The following ADGRA2 variants were observed in gnomAD, a reference collection of about 807,000 sequenced individuals.
ADGRA2 encodes adhesion G protein-coupled receptor A2, also known as G-protein coupled receptor 124.
Under a neutral mutation model 98.7 loss-of-function variants are expected in ADGRA2, and 61 were observed. The observed-to-expected ratio is 0.62, with a 90% confidence interval of 0.50 to 0.76. The LOEUF (loss-of-function observed/expected upper bound fraction) is 0.76, where lower values mean the gene tolerates loss of function less well. ADGRA2 is among the 30% of genes least tolerant of loss of function. ADGRA2 has a pLI of 0.00. For synonymous variants in ADGRA2, 858 were observed against 831.5 expected, an observed-to-expected ratio of 1.03 and a Z score of -0.55; for missense variants, 1,712 against 1,860.0, an observed-to-expected ratio of 0.92 and a Z score of 1.46.
chr8:37,804,829 C>A (rs1039038904), intron 1 of ADGRA2, among the ~76,000 whole-genome samples: 1 of 152,230 alleles, frequency 6.6e-6, no homozygotes, highest in South Asian at 2.1e-4. Context: ...GGAAAAGGGG[C>A]TCCCCCGACC....
Position 37,814,969 on chromosome 8 carries a change from T to C in ADGRA2, c.338+2T>C. On this transcript the variant is annotated splice_donor_variant, in intron 2 of 18. Transcript: ENST00000412232. LOFTEE classifies it high-confidence loss of function. The surrounding 1 kb of genome is among the most constrained non-coding windows in gnomAD (Gnocchi z 4.3). ...GGGACTGTCACTGCTGGAGAAGCTGTAAGTGCTGGGGAAGGTGAGGTGGAG... is the reference window on the plus strand; with the variant it reads ...GGGACTGTCACTGCTGGAGAAGCTGCAAGTGCTGGGGAAGGTGAGGTGGAG... The C allele has an allele frequency of 1.9e-6, 3 of 1,606,370 alleles. No homozygotes were observed. The highest frequency in any genetic ancestry group is 2.6e-6 in the Non-Finnish European group (3 of 1,173,058).
In ADGRA2 at chr8:37,802,323, GCCTC is replaced by G. The variant is rs1804532725; in HGVS notation, c.266+4791_266+4794del. 6.6e-6 allele frequency among the ~76,000 whole-genome samples: 1 copy of G among 152,122 alleles called. No homozygotes were observed. The highest frequency in any genetic ancestry group is 1.5e-5 in the Non-Finnish European group (1 of 68,006). ...GGTGGAGGGGCGGGCCCAGGCCGGCGCCTCCACCCCCTTCTCTTCCACCAGCTTT... is the reference window on the plus strand; with the variant it reads ...GGTGGAGGGGCGGGCCCAGGCCGGCGCACCCCCTTCTCTTCCACCAGCTTT... On this transcript the variant is annotated intron_variant, in intron 1 of 18. Transcript: ENST00000412232. This position sits in a 1 kb window ranked among gnomAD's most constrained non-coding sequence, Gnocchi z 4.7.
chr8:37,810,592 G>A (rs922843075), intron 1 of ADGRA2, among the ~76,000 whole-genome samples: 7 of 152,080 alleles, frequency 4.6e-5, no homozygotes, highest in East Asian at 1.9e-4. Flanking sequence ...CAAACTCCTG[G>A]GCTCAAGTGA....
intron 1 of ADGRA2, among the ~76,000 whole-genome samples, chr8:37,800,965 A>G (rs1804484127): frequency 6.6e-6 from 1 of 151,924 alleles, no homozygotes; most frequent in Non-Finnish European, 1.5e-5. Flanking sequence ...TTTTTCCTCC[A>G]AGATGGGGCC....
intron 1 of ADGRA2, among the ~76,000 whole-genome samples, chr8:37,799,474 G>T (rs934873298): frequency 2.0e-5 from 3 of 152,044 alleles, no homozygotes; most frequent in Non-Finnish European, 4.4e-5. Flanking sequence ...TGTTCTCTGC[G>T]TGTCTCTGTG....
At chr8:37,828,757 A>G (rs1805362707) in intron 2 of ADGRA2, 131 bp from the exon 3 acceptor site, 1 of 653,466 alleles carries the variant, frequency 1.5e-6, no homozygotes, top group African/African-American at 1.8e-5. Context: ...TGAGGAGAGC[A>G]GAGGTTTAGC....
rs1017500022 is a variant in ADGRA2, at chr8:37,834,654, G to A, written c.1609-520G>A. Among the ~76,000 whole-genome samples, 2 of 152,174 alleles carry A rather than the reference G, an allele frequency of 1.3e-5. No individual in the cohort carries two copies. ...GAAGCCTGTAATCCCAGCACGTTGG[G>A]AGGCCGATACAGGAGGATCTCCCAA... is the stretch of plus-strand genomic sequence containing the variant. On this transcript the variant is annotated intron_variant, in intron 11 of 18. Transcript: ENST00000412232. This position sits in a 1 kb window ranked among gnomAD's most constrained non-coding sequence, Gnocchi z 4.2.
In ADGRA2 at chr8:37,829,513, A is replaced by G; in HGVS notation, c.508A>G (p.Ser170Gly). The change falls in exon 5 of 19, where the codon AGT becomes GGT. Residue 170 changes from serine (S) to glycine (G), a missense_variant. Ser to Gly is a moderately conservative substitution (Grantham distance 56, BLOSUM62 0). Transcript: ENST00000412232. The stretch of plus-strand genomic sequence containing the variant: ...AAACATATCTGGAAACATCTTCTCC[A>G]GTCTGCAACCTGGGGTCTTTGATGA... ...RLNISGNIFS[S>G]LQPGVFDELP... 6.2e-7 allele frequency: 1 copy of G among 1,613,738 alleles called. No homozygotes were observed. The highest frequency in any genetic ancestry group is 8.5e-7 in the Non-Finnish European group (1 of 1,179,674).
Position 37,844,429 on chromosome 8 carries a change from G to A in ADGRA2, c.*2074G>A. The stretch of plus-strand genomic sequence containing the variant: ...GGACTGGTGTACACTTCCATCCTTG[G>A]TTATAACAGGAATGTTATCAAGCTG... On this transcript the variant is annotated 3_prime_UTR_variant, in exon 19 of 19. Coordinates refer to ENST00000412232, the MANE Select transcript of ADGRA2 (RefSeq NM_032777.10). The A allele has an allele frequency of 6.4e-7, 1 of 1,571,378 alleles. No individual in the cohort carries two copies. Among genetic ancestry groups the A allele is most frequent in the Non-Finnish European group, 8.7e-7 (1 of 1,154,826 alleles).
At chr8:37,801,712 C>A (rs1042374377) in intron 1 of ADGRA2, among the ~76,000 whole-genome samples, 1 of 152,218 alleles carries the variant, frequency 6.6e-6, no homozygotes, top group Non-Finnish European at 1.5e-5. Flanking sequence ...CATCTTACAG[C>A]TGAGCAAACT....
chr8:37,814,417 G>A lies in ADGRA2; in HGVS notation c.267-479G>A, dbSNP rs959602861. ...GTCCTTCGCTCACAGGTGAGAGTGT[G>A]CGAGCCTCCGAGGAAGGGCAGCTCC... is the stretch of plus-strand genomic sequence containing the variant. On this transcript the variant is annotated intron_variant, in intron 1 of 18. Coordinates refer to ENST00000412232, the MANE Select transcript of ADGRA2 (RefSeq NM_032777.10). This position sits in a 1 kb window ranked among gnomAD's most constrained non-coding sequence, Gnocchi z 4.3. Among the ~76,000 whole-genome samples the A allele has an allele frequency of 6.6e-6, 1 of 152,190 alleles. No homozygotes were observed. Among genetic ancestry groups the A allele is most frequent in the African/African-American group, 2.4e-5 (1 of 41,452 alleles).
At chr8:37,820,200 G>A (rs1407654671) in intron 2 of ADGRA2, among the ~76,000 whole-genome samples, 1 of 152,180 alleles carries the variant, frequency 6.6e-6, no homozygotes, top group Non-Finnish European at 1.5e-5. Context: ...GTCAGCTAAT[G>A]GCAGATGTCA....
In ADGRA2 at chr8:37,833,007, C is replaced by G. The variant is rs761663561; in HGVS notation, c.1098-3C>G. On this transcript the variant is annotated splice_region_variant and splice_polypyrimidine_tract_variant and intron_variant, in intron 8 of 18. Coordinates refer to ENST00000412232, the MANE Select transcript of ADGRA2 (RefSeq NM_032777.10). ...ATCGGCAACTTCCTGCCTCTCCCCCCAGGTGGCCCCGAACTCTGGCTGGCA... is the reference window on the plus strand; with the variant it reads ...ATCGGCAACTTCCTGCCTCTCCCCCGAGGTGGCCCCGAACTCTGGCTGGCA... 4.3e-6 allele frequency: 7 copies of G among 1,610,572 alleles called. No individual in the cohort carries two copies. The highest frequency in any genetic ancestry group is 1.1e-5 in the South Asian group (1 of 90,922).
chr8:37,816,927 A>AACTC (rs869296926), intron 2 of ADGRA2, among the ~76,000 whole-genome samples: 1 of 131,888 alleles, frequency 7.6e-6, no homozygotes. Flanking sequence ...AAGAAAGCAA[A>AACTC]ACACACACAC....
chr8:37,825,843 C>T (rs759524904), intron 2 of ADGRA2, among the ~76,000 whole-genome samples: 4 of 152,190 alleles, frequency 2.6e-5, no homozygotes, highest in Non-Finnish European at 5.9e-5. Flanking sequence ...GCCCAGGGAG[C>T]CGAGACAGGC....
intron 9 of ADGRA2, among the ~76,000 whole-genome samples, chr8:37,833,443 G>A (rs904981006): frequency 6.6e-6 from 1 of 152,158 alleles, no homozygotes; most frequent in Non-Finnish European, 1.5e-5. Flanking sequence ...GCCACCTCAC[G>A]CCCCTTTACT....
At chr8:37,806,094 T>G (rs1804651012) in intron 1 of ADGRA2, among the ~76,000 whole-genome samples, 1 of 151,960 alleles carries the variant, frequency 6.6e-6, no homozygotes, top group Non-Finnish European at 1.5e-5. Flanking sequence ...ATGTTTAAGG[T>G]CAGTTGGGGG....
chr8:37,828,926 G>C lies in ADGRA2; in HGVS notation c.377G>C (p.Gly126Ala). The C allele has an allele frequency of 6.3e-7, 1 of 1,590,656 alleles. No homozygotes were observed. Among genetic ancestry groups the C allele is most frequent in the Non-Finnish European group, 8.5e-7 (1 of 1,169,882 alleles). The change falls in exon 3 of 19, where the codon GGC becomes GCC. Residue 126 changes from glycine (G) to alanine (A), a missense_variant. Gly to Ala is a moderately conservative substitution (Grantham distance 60). Coordinates refer to ENST00000412232, the MANE Select transcript of ADGRA2 (RefSeq NM_032777.10). ...AACATCATCAGCACAGTGCAGCCGG[G>C]CGCCTTCCTGGGCCTGGGGGAGCTG... ...RNNIISTVQP[G>A]AFLGLGELKR...
chr8:37,836,470 T>G (rs1805619729), intron 13 of ADGRA2, among the ~76,000 whole-genome samples: 1 of 152,124 alleles, frequency 6.6e-6, no homozygotes, highest in South Asian at 2.1e-4. Flanking sequence ...ACCGAGTGTC[T>G]GACTCGCCAC....
Sources: allele counts gnomAD v4.1 joint callset (sites outside exome capture counted in the v4.1 genomes callset), GRCh38; gene constraint gnomAD v4.1.1; non-coding constraint Gnocchi (gnomAD v3.1); transcripts MANE v1.5; gene names NCBI Gene and HGNC (gene_info 2026-07-23, HGNC 2026-07-21).